Variants in AAK1 observed in about 807,000 individuals in gnomAD.
AAK1 encodes the protein AP2 associated kinase 1.
AAK1 carries 37 observed loss-of-function variants against 116.0 expected under a neutral mutation model. The ratio of observed to expected loss-of-function variants is 0.32; its 90% CI spans 0.25 to 0.42. AAK1 has a LOEUF of 0.42. Among genes scored for constraint, AAK1 ranks in the 10% least tolerant of loss-of-function variants. AAK1 has a pLI of 1.00. For synonymous variants in AAK1, 458 were observed against 439.9 expected (o/e 1.04, Z -0.51); for missense variants, 919 against 1,170.6 (o/e 0.79, Z 3.14).
In AAK1 at chr2:69,474,569, C is replaced by T. The variant is rs1383829885; in HGVS notation, c.*1300G>A. ...TTTAATCTAGGAAGCCAAGGAAAAC[C>T]AGCTGAACATATTCCATTGGCTGCA... On this transcript the variant is annotated 3_prime_UTR_variant, in exon 22 of 22. Transcript: ENST00000409085. 1.0e-6 allele frequency: 1 copy of T among 984,924 alleles called. No individual in the cohort carries two copies. The highest frequency in any genetic ancestry group is 1.2e-6 in the Non-Finnish European group (1 of 829,870). 61.0% of individuals were successfully genotyped at this position (984,924 alleles called of 1,614,324 possible).
At chr2:69,553,858 T>G (rs1191068662) in intron 3 of AAK1, among the ~76,000 whole-genome samples, 1 of 151,602 alleles carries the variant, frequency 6.6e-6, no homozygotes, top group Non-Finnish European at 1.5e-5. Flanking sequence ...GGAGGATCAC[T>G]TGAGCTCAAG....
At chr2:69,565,723 G>C (rs2105105973) in intron 2 of AAK1, among the ~76,000 whole-genome samples, 1 of 152,368 alleles carries the variant, frequency 6.6e-6, no homozygotes, top group Middle Eastern at 3.4e-3. Flanking sequence ...TCCATGGTGA[G>C]AGCTTGGGTG....
chr2:69,598,093 G>A, intron 2 of AAK1: 1 of 906,174 alleles, frequency 1.1e-6, no homozygotes, highest in Non-Finnish European at 1.5e-6. Flanking sequence ...CACATGTTTT[G>A]GATACATATA....
chr2:69,504,602 T>C (rs1005091943), intron 16 of AAK1, among the ~76,000 whole-genome samples: 2 of 152,058 alleles, frequency 1.3e-5, no homozygotes, highest in Non-Finnish European at 2.9e-5. Context: ...ATCCCGTCTC[T>C]ACAAACATAC....
chr2:69,472,499 G>C lies in AAK1; in HGVS notation c.*3370C>G, dbSNP rs1192418877. 1.6e-6 allele frequency: 1 copy of C among 607,736 alleles called. No homozygotes were observed. The highest frequency in any genetic ancestry group is 6.3e-5 in the Admixed American group (1 of 15,810). 37.6% of individuals were successfully genotyped at this position (607,736 alleles called of 1,614,324 possible). On this transcript the variant is annotated 3_prime_UTR_variant, in exon 22 of 22. Coordinates refer to ENST00000409085, the MANE Select transcript of AAK1 (RefSeq NM_014911.5). Reference sequence around the variant, plus strand: ...CTTAAGTAAAACTAGATGACATTGAGGGGAACAACACTTAATTAGATGTCA... The same window carrying C: ...CTTAAGTAAAACTAGATGACATTGACGGGAACAACACTTAATTAGATGTCA...
intron 15 of AAK1, 82 bp from the exon 16 acceptor site, chr2:69,505,755 C>A: frequency 9.8e-7 from 1 of 1,019,246 alleles, no homozygotes; most frequent in Non-Finnish European, 1.5e-6. Context: ...GGGGCATTCT[C>A]TGAACTGACT....
rs1206157114 is a variant in AAK1 at position 69,476,893 on chromosome 2, G to C, written c.2778C>G (p.Thr926=). The C allele has an allele frequency of 6.2e-7, 1 of 1,612,712 alleles. No individual in the cohort carries two copies. The highest frequency in any genetic ancestry group is 8.5e-7 in the Non-Finnish European group (1 of 1,179,366). Residue 926 remains threonine, a synonymous_variant, in exon 21 of 22, where the codon ACC becomes ACG. Coordinates refer to ENST00000409085, the MANE Select transcript of AAK1 (RefSeq NM_014911.5). ...DEFDPIPVLI[T]KNPQGGHSRN... ...CCTTTTTCTTACCTTGTGGGTTTTT[G>C]GTTATCAATACAGGAATAGGGTCAA... is the stretch of plus-strand genomic sequence containing the variant.
chr2:69,553,117 G>C (rs1671244979), intron 3 of AAK1, among the ~76,000 whole-genome samples: 1 of 152,092 alleles, frequency 6.6e-6, no homozygotes, highest in South Asian at 2.1e-4. Flanking sequence ...CCCCCAGAAT[G>C]CAAGGATATG....
Position 69,465,913 on chromosome 2 carries a change from C to T in AAK1, c.*9956G>A, listed in dbSNP as rs760102968. 7.1e-5 allele frequency: 91 copies of T among 1,290,670 alleles called. No individual in the cohort carries two copies. Among genetic ancestry groups the T allele is most frequent in the Non-Finnish European group, 8.8e-5 (87 of 988,848 alleles). The allele number at this position is 1,290,670 out of a possible 1,614,324, so 80.0% of individuals were successfully genotyped here. On this transcript the variant is annotated 3_prime_UTR_variant, in exon 22 of 22. Coordinates refer to ENST00000409085, the MANE Select transcript of AAK1 (RefSeq NM_014911.5). ...ACATCACCTGTCTGACTGAGGAGAC[C>T]GGTCTGTGCAGGCAGCTCCTGGGAG...
chr2:69,517,848 A>C (rs1475940342), intron 12 of AAK1, among the ~76,000 whole-genome samples: 1 of 151,818 alleles, frequency 6.6e-6, no homozygotes, highest in Non-Finnish European at 1.5e-5. Context: ...ATCAGCCAGC[A>C]GCCGCATAGG....
intron 2 of AAK1, among the ~76,000 whole-genome samples, chr2:69,582,311 G>C (rs1292068863): frequency 6.6e-6 from 1 of 152,148 alleles, no homozygotes; most frequent in Non-Finnish European, 1.5e-5. Context: ...AGAAACTGCA[G>C]TATACTGAGA....
At chr2:69,582,648 G>A (rs76489803) in intron 2 of AAK1, among the ~76,000 whole-genome samples, 1,872 of 152,270 alleles carry the variant, frequency 0.012, 40 homozygotes, top group African/African-American at 0.043. Flanking sequence ...CCTCTTGCCA[G>A]CTGTCTGCTC....
intron 16 of AAK1, among the ~76,000 whole-genome samples, chr2:69,500,698 T>TATATGTATATACACACACACAC: frequency 1.5e-5 from 1 of 65,102 alleles, no homozygotes; most frequent in African/African-American, 7.9e-5. Flanking sequence ...TATATATATA[T>TATATGTATATACACACACACAC]ACACACACAC....
chr2:69,585,789 T>C (rs1293079908), intron 2 of AAK1, among the ~76,000 whole-genome samples: 1 of 152,238 alleles, frequency 6.6e-6, no homozygotes, highest in East Asian at 1.9e-4. Flanking sequence ...CAGGGTTTGA[T>C]TTCTAGCAAT....
chr2:69,537,114 C>T lies in AAK1; in HGVS notation c.535-4952G>A, dbSNP rs767671144. On this transcript the variant is annotated intron_variant, in intron 5 of 21. Coordinates refer to ENST00000409085, the MANE Select transcript of AAK1 (RefSeq NM_014911.5). ...CTGTGCAGGTCACAGCCTTTCTGTG[C>T]GGAGGTTTCCTCACTGGTAAAGAAG... is the stretch of plus-strand genomic sequence containing the variant. 2.5e-4 allele frequency among the ~76,000 whole-genome samples: 38 copies of T among 152,300 alleles called. 1 individual carries two copies. The highest frequency in any genetic ancestry group is 1.8e-3 in the Admixed American group (27 of 15,300).
At chr2:69,597,866 G>A (rs1050892196) in intron 2 of AAK1, 9 of 184,170 alleles carry the variant, frequency 4.9e-5, no homozygotes, top group African/African-American at 1.4e-4. Context: ...GAGTAAGATC[G>A]GGTCTCAAAA....
chr2:69,523,900 T>G (rs921132708), intron 10 of AAK1, among the ~76,000 whole-genome samples: 1 of 152,232 alleles, frequency 6.6e-6, no homozygotes, highest in Non-Finnish European at 1.5e-5. Flanking sequence ...CTAGGTCACT[T>G]CCACCCATGC....
In AAK1 at chr2:69,460,588, A is replaced by T. The variant is rs1348780267; in HGVS notation, c.*15281T>A. On this transcript the variant is annotated 3_prime_UTR_variant, in exon 22 of 22. Transcript: ENST00000409085. ...TAGTTGCCAGAGAAAACTCAGATAC[A>T]ACATGAGCCTCTAAACACATACACT... 1 of 152,228 alleles carries T rather than the reference A, an allele frequency of 6.6e-6. No individual in the cohort carries two copies. The highest frequency in any genetic ancestry group is 1.5e-5 in the Non-Finnish European group (1 of 68,038). The allele number at this position is 152,228 out of a possible 1,614,324, so 9.4% of individuals were successfully genotyped here.
chr2:69,478,972 T>G lies in AAK1; in HGVS notation c.2659A>C (p.Ile887Leu), dbSNP rs555762787. The change falls in exon 20 of 22, where the codon ATC becomes CTC. Residue 887 changes from isoleucine to leucine, a missense_variant. This residue lies in a region of AAK1 where 263 missense variants were observed against 285.5 expected (regional missense o/e 0.92). Coordinates refer to ENST00000409085, the MANE Select transcript of AAK1 (RefSeq NM_014911.5). ...DLLEEFAPTA[I>L]SAPVHKAAED... is the part of the protein sequence containing the mutation. ...TTACCTTTATGGACTGGAGCAGAGA[T>G]TGCTGTGGGGGCAAACTCTTCCAGA... The G allele has an allele frequency of 6.2e-7, 1 of 1,613,244 alleles. No individual in the cohort carries two copies. The highest frequency in any genetic ancestry group is 1.1e-5 in the South Asian group (1 of 91,062).
Sources: allele counts gnomAD v4.1 joint callset (sites outside exome capture counted in the v4.1 genomes callset), GRCh38; gene constraint gnomAD v4.1.1; regional missense constraint gnomAD v4.1.1; transcripts MANE v1.5; gene names NCBI Gene and HGNC (gene_info 2026-07-23, HGNC 2026-07-21).